DSCAM: variants seen among roughly 807,000 people sequenced by gnomAD.
DSCAM encodes DS cell adhesion molecule.
Under a neutral mutation model 217.7 loss-of-function variants are expected in DSCAM, and 47 were observed. The ratio of observed to expected loss-of-function variants is 0.22; its 90% CI spans 0.17 to 0.28. The LOEUF (loss-of-function observed/expected upper bound fraction) is 0.28. Among genes scored for constraint, DSCAM ranks in the 10% least tolerant of loss-of-function variants. The pLI is 1.00. For missense variants in DSCAM, 2,080 were observed against 2,618.3 expected, an observed-to-expected ratio of 0.79 and a Z score of 4.49; for synonymous variants, 1,056 against 1,015.3, an observed-to-expected ratio of 1.04 and a Z score of -0.76.
At chr21:40,153,517 G>A (rs1018997204) in intron 16 of DSCAM, among the ~76,000 whole-genome samples, 1 of 152,202 alleles carries the variant, frequency 6.6e-6, no homozygotes, top group Non-Finnish European at 1.5e-5. Flanking sequence ...GTGACTCTGG[G>A]GTGAGGTATC....
intron 3 of DSCAM, among the ~76,000 whole-genome samples, chr21:40,488,552 T>G (rs1048004673): frequency 6.6e-6 from 1 of 151,934 alleles, no homozygotes; most frequent in Non-Finnish European, 1.5e-5. Flanking sequence ...GAGTGACACA[T>G]GCACAGTCAA....
At chr21:40,379,368 G>C (rs891019926) in intron 3 of DSCAM, among the ~76,000 whole-genome samples, 9 of 152,208 alleles carry the variant, frequency 5.9e-5, no homozygotes, top group Non-Finnish European at 1.2e-4. Context: ...ACACAACATA[G>C]AAGGAGATAA....
intron 3 of DSCAM, 83 bp from the exon 4 acceptor site, chr21:40,369,328 T>C (rs1320230392): frequency 7.7e-6 from 11 of 1,426,204 alleles, no homozygotes; most frequent in East Asian, 2.3e-5. Context: ...AACAGTTTTT[T>C]TTTTCCCCCA....
chr21:40,449,457 T>C (rs1466781720), intron 3 of DSCAM, among the ~76,000 whole-genome samples: 1 of 152,184 alleles, frequency 6.6e-6, no homozygotes, highest in African/African-American at 2.4e-5. Flanking sequence ...TTCTCAGAAA[T>C]GAAAGATGAA....
intron 11 of DSCAM, among the ~76,000 whole-genome samples, chr21:40,197,223 A>C (rs1345569569): frequency 6.6e-6 from 1 of 151,934 alleles, no homozygotes; most frequent in Non-Finnish European, 1.5e-5. Context: ...GGTTCACACC[A>C]TTCTCCTGCC....
intron 32 of DSCAM, among the ~76,000 whole-genome samples, chr21:40,021,790 T>C (rs1431527426): frequency 2.0e-5 from 3 of 152,328 alleles, no homozygotes; most frequent in African/African-American, 7.2e-5. Context: ...TCCTTGCCTC[T>C]GGTCCTGAAA....
At chr21:40,314,318 T>G (rs1197271559) in intron 8 of DSCAM, among the ~76,000 whole-genome samples, 1 of 152,174 alleles carries the variant, frequency 6.6e-6, no homozygotes, top group African/African-American at 2.4e-5. Context: ...GGGAAATTAA[T>G]TTTTTTAAAT....
rs947737399 is a variant in DSCAM at position 40,012,463 on chromosome 21, A to G, written c.*571T>C. 2.6e-5 allele frequency: 4 copies of G among 152,164 alleles called. No homozygotes were observed. Among genetic ancestry groups the G allele is most frequent in the African/African-American group, 9.7e-5 (4 of 41,414 alleles). 9.4% of individuals were successfully genotyped at this position (152,164 alleles called of 1,614,324 possible). A position where few individuals can be genotyped will look rare whatever the true frequency, so the allele number is the denominator to read the frequency against. ...TATTTCGCTTAGACAAAATGCAAAG[A>G]GTGTCTCATTAAATTAAAAAAGAAA... is the stretch of plus-strand genomic sequence containing the variant. On this transcript the variant is annotated 3_prime_UTR_variant, in exon 33 of 33. Coordinates refer to ENST00000400454, the MANE Select transcript of DSCAM (RefSeq NM_001389.5).
intron 3 of DSCAM, among the ~76,000 whole-genome samples, chr21:40,649,648 C>A (rs1043612422): frequency 5.9e-5 from 9 of 151,750 alleles, no homozygotes; most frequent in Admixed American, 5.3e-4. Flanking sequence ...AAAAAACATG[C>A]CAAGGTAGTT....
chr21:40,767,941 T>C (rs1363586757), intron 1 of DSCAM, among the ~76,000 whole-genome samples: 4 of 152,154 alleles, frequency 2.6e-5, no homozygotes, highest in Admixed American at 2.6e-4. Flanking sequence ...GGTTTCACTA[T>C]GAGATATACA....
chr21:40,060,567 C>T (rs980368020), intron 28 of DSCAM, among the ~76,000 whole-genome samples: 2 of 101,738 alleles, frequency 2.0e-5, no homozygotes, highest in Admixed American at 1.2e-4. Context: ...GAAGCAGGCC[C>T]GGGGTGGGGT....
rs565609019 is a variant in DSCAM, at chr21:40,312,263, G to A, written c.1880C>T (p.Thr627Met). The change falls in exon 9 of 33, where the codon ACG (threonine) becomes ATG (methionine). Residue 627 changes from threonine to methionine, a missense_variant. By Grantham distance (81) the Thr-to-Met change is moderately conservative. Coordinates refer to ENST00000400454, the MANE Select transcript of DSCAM (RefSeq NM_001389.5). The stretch of plus-strand genomic sequence containing the variant: ...CCGGCCATCCTTCTGCCAGGTGATC[G>A]TGATGGGTAAGTCCCCTGAGACCAC... Reference protein sequence around the residue: ...CVVVSGDLPITITWQKDGRPI... With the variant: ...CVVVSGDLPIMITWQKDGRPI... The A allele has an allele frequency of 1.0e-4, 166 of 1,614,118 alleles. No homozygotes were observed. In the South Asian group the frequency reaches 1.5e-3, roughly 14 times the overall value.
intron 3 of DSCAM, among the ~76,000 whole-genome samples, chr21:40,527,374 A>T (rs1432006459): frequency 1.3e-5 from 2 of 152,238 alleles, no homozygotes; most frequent in African/African-American, 4.8e-5. Context: ...ATGTGAAAGA[A>T]GTTGCTGTGT....
intron 3 of DSCAM, among the ~76,000 whole-genome samples, chr21:40,465,461 A>G (rs2075836946): frequency 6.6e-6 from 1 of 152,170 alleles, no homozygotes; most frequent in Non-Finnish European, 1.5e-5. Flanking sequence ...AGTGGGTTAA[A>G]TCACCTGTTC....
At position 40,576,029 on chromosome 21, in the gene DSCAM, A is replaced by G. The variant is rs749759929; in HGVS notation, c.508+116781T>C. Among the ~76,000 whole-genome samples the G allele has an allele frequency of 4.2e-4, 64 of 152,342 alleles. 1 individual carries two copies. The highest frequency in any genetic ancestry group is 7.5e-4 in the Non-Finnish European group (51 of 68,036). On this transcript the variant is annotated intron_variant, in intron 3 of 32. Coordinates refer to ENST00000400454, the MANE Select transcript of DSCAM (RefSeq NM_001389.5). ...TATGGAGCAACAAGAACTATCATAC[A>G]TTTCTGGCAAGAGTTTAAGTGGTAC...
At chr21:40,150,227 C>G (rs976760612) in intron 16 of DSCAM, among the ~76,000 whole-genome samples, 2 of 152,158 alleles carry the variant, frequency 1.3e-5, no homozygotes, top group African/African-American at 4.8e-5. Context: ...TGGTATTAAC[C>G]GCTCATAGAG....
chr21:40,141,289 T>A (rs1215847916), intron 18 of DSCAM, among the ~76,000 whole-genome samples: 1 of 152,108 alleles, frequency 6.6e-6, no homozygotes, highest in East Asian at 1.9e-4. Context: ...AGGTGAGCAC[T>A]CATCAGGGAT....
intron 3 of DSCAM, among the ~76,000 whole-genome samples, chr21:40,563,583 TTA>T (rs1402424395): frequency 1.9e-4 from 15 of 80,150 alleles, no homozygotes; most frequent in Admixed American, 1.3e-3. Flanking sequence ...AGTTATATGT[TTA>T]TATGTTTATA....
At chr21:40,394,268 T>C (rs1336682805) in intron 3 of DSCAM, among the ~76,000 whole-genome samples, 1 of 152,228 alleles carries the variant, frequency 6.6e-6, no homozygotes, top group Non-Finnish European at 1.5e-5. Context: ...TATTACTTCA[T>C]TTAATTCCCC....
Sources: allele counts gnomAD v4.1 joint callset (sites outside exome capture counted in the v4.1 genomes callset), GRCh38; gene constraint gnomAD v4.1.1; transcripts MANE v1.5; gene names NCBI Gene and HGNC (gene_info 2026-07-23, HGNC 2026-07-21).